PLEKHN1: variants seen among roughly 807,000 people sequenced by gnomAD.
PLEKHN1 encodes the protein pleckstrin homology domain containing N1, also known as pleckstrin homology domain-containing family N member 1.
Under a neutral mutation model 72.8 loss-of-function variants are expected in PLEKHN1, and 68 were observed. That is an observed-to-expected ratio of 0.93 (90% confidence interval 0.77 to 1.14). The LOEUF (loss-of-function observed/expected upper bound fraction) is 1.14. Ranked by LOEUF, PLEKHN1 falls within the 50% of genes most tolerant of loss-of-function variation. The pLI is 0.00. For synonymous variants in PLEKHN1, 454 were observed against 371.6 expected, an observed-to-expected ratio of 1.22 and a Z score of -2.55; for missense variants, 1,015 against 840.5, an observed-to-expected ratio of 1.21 and a Z score of -2.57.
rs764826491 is a variant in PLEKHN1, at chr1:972,120, G to A, written c.835G>A (p.Glu279Lys). 30 of 1,613,068 alleles carry A rather than the reference G, an allele frequency of 1.9e-5. No homozygotes were observed. The South Asian group carries it at 2.6e-4, about 14-fold the overall frequency. ...RAVHINLEEK[E>K]KQIRSFLIEG... The stretch of plus-strand genomic sequence containing the variant: ...CGTCCACATCAACCTGGAGGAGAAG[G>A]AGAAGCAGATCCGCTCCTTCCTGAT... The change falls in exon 9 of 16, where the codon GAG becomes AAG. Residue 279 changes from glutamate to lysine, a missense_variant. Coordinates refer to ENST00000379410, the MANE Select transcript of PLEKHN1 (RefSeq NM_032129.3).
At position 974,788 on chromosome 1, in the gene PLEKHN1, C is replaced by G; in HGVS notation, c.*213C>G. 1 of 658,106 alleles carries G rather than the reference C, an allele frequency of 1.5e-6. No individual in the cohort carries two copies. Among genetic ancestry groups the G allele is most frequent in the South Asian group, 2.1e-5 (1 of 48,480 alleles). The allele number at this position is 658,106 out of a possible 1,614,324, so 40.8% of individuals were successfully genotyped here. ...TGGGAGGGGCCCCATCCAAAGGATG[C>G]CCTGGCCAGCGAGGCTGGGTCACAG... On this transcript the variant is annotated 3_prime_UTR_variant, in exon 16 of 16. Coordinates refer to ENST00000379410, the MANE Select transcript of PLEKHN1 (RefSeq NM_032129.3).
At chr1:971,848 G>A (rs1643346260) in intron 8 of PLEKHN1, among the ~76,000 whole-genome samples, 1 of 152,244 alleles carries the variant, frequency 6.6e-6, no homozygotes, top group South Asian at 2.1e-4. Flanking sequence ...CAAGAGGCCA[G>A]TCCTGTGGCT....
chr1:972,264 C>T (rs774111552), intron 9 of PLEKHN1, 24 bp from the exon 10 acceptor site: 6 of 1,606,496 alleles, frequency 3.7e-6, no homozygotes, highest in Non-Finnish European at 5.1e-6. Context: ...CCCCCGCCAG[C>T]CCCTCACAGC....
At chr1:969,810 C>T (rs563808872) in intron 2 of PLEKHN1, among the ~76,000 whole-genome samples, 33 of 151,922 alleles carry the variant, frequency 2.2e-4, no homozygotes, top group African/African-American at 3.4e-4. Flanking sequence ...TGTATGTGTG[C>T]GCATATATGG....
At chr1:972,537 G>A (rs1004589511) in intron 10 of PLEKHN1, 113 bp downstream of exon 10, 27 of 1,310,866 alleles carry the variant, frequency 2.1e-5, no homozygotes, top group African/African-American at 1.0e-4. Flanking sequence ...AGGCTGAGGC[G>A]GGCGGATCAT....
rs993651366 is a variant in PLEKHN1 at position 966,910 on chromosome 1, T to C, written c.183+107T>C. On this transcript the variant is annotated intron_variant, in intron 2 of 15. Coordinates refer to ENST00000379410, the MANE Select transcript of PLEKHN1 (RefSeq NM_032129.3). Reference sequence around the variant, plus strand: ...GGTCTTCCCCTCGCCCCCGGGGCGTTCAGACCCCGGTAGGTGAGGAGCCGA... The same window carrying C: ...GGTCTTCCCCTCGCCCCCGGGGCGTCCAGACCCCGGTAGGTGAGGAGCCGA... 3.2e-5 allele frequency: 40 copies of C among 1,238,030 alleles called. 1 individual carries two copies. The highest frequency in any genetic ancestry group is 4.2e-5 in the Non-Finnish European group (38 of 915,548). 76.7% of individuals were successfully genotyped at this position (1,238,030 alleles called of 1,614,324 possible). A position where few individuals can be genotyped will look rare whatever the true frequency, so the allele number is the denominator to read the frequency against.
chr1:969,724 ATC>A (rs932540449), intron 2 of PLEKHN1, among the ~76,000 whole-genome samples: 4 of 150,766 alleles, frequency 2.7e-5, no homozygotes, highest in East Asian at 2.0e-4. Flanking sequence ...GTGTGTATGC[ATC>A]TGTGTCTGTA....
chr1:972,528 G>A (rs1056530642), intron 10 of PLEKHN1, 104 bp downstream of exon 10: 1 of 1,341,514 alleles, frequency 7.5e-7, no homozygotes, highest in South Asian at 1.5e-5. Context: ...CATTTTAGGA[G>A]GCTGAGGCGG....
At chr1:971,303 A>AGGCC in intron 7 of PLEKHN1, 21 bp from the exon 8 acceptor site, 3 of 1,495,470 alleles carry the variant, frequency 2.0e-6, no homozygotes, top group Non-Finnish European at 2.7e-6. Flanking sequence ...TCATCGCCTG[A>AGGCC]CCCCACCCCC....
chr1:973,449 C>T (rs1444593275), intron 12 of PLEKHN1, 51 bp from the exon 13 acceptor site: 1 of 1,600,014 alleles, frequency 6.2e-7, no homozygotes, highest in South Asian at 1.1e-5. Context: ...GAAGGGGTGG[C>T]CTAGGCTGTT....
At chr1:967,273 C>A (rs997602675) in intron 2 of PLEKHN1, among the ~76,000 whole-genome samples, 1 of 152,180 alleles carries the variant, frequency 6.6e-6, no homozygotes, top group Non-Finnish European at 1.5e-5. Context: ...GTGCACGCGC[C>A]GGCCTCCTCC....
intron 2 of PLEKHN1, 129 bp downstream of exon 2, chr1:966,932 C>G (rs2100444663): frequency 1.0e-6 from 1 of 997,038 alleles, no homozygotes; most frequent in African/African-American, 1.7e-5. Context: ...AGGTGAGGAG[C>G]CGACGCTGAC....
In PLEKHN1 at chr1:974,001, C is replaced by A. The variant is rs200988214; in HGVS notation, c.1603C>A (p.Arg535=). Residue 535 remains arginine, a synonymous_variant, in exon 14 of 16, where the codon CGG becomes AGG. Transcript: ENST00000379410. ...GCAGTCCAGAGCCGCTCAGAGACAC[C>A]GGGGCTCAGCCAAGGATGGGGGGCC... ...ALQSRAAQRH[R]GSAKDGGPQP... is the part of the protein sequence containing the mutation. 2 of 1,604,486 alleles carry A rather than the reference C, an allele frequency of 1.2e-6. No homozygotes were observed. The highest frequency in any genetic ancestry group is 1.7e-6 in the Non-Finnish European group (2 of 1,177,792).
intron 14 of PLEKHN1, 109 bp from the exon 15 acceptor site, chr1:974,207 C>A: frequency 6.5e-7 from 1 of 1,545,928 alleles, no homozygotes; most frequent in Non-Finnish European, 8.9e-7. Flanking sequence ...GGAGATGGGA[C>A]TGGGGAGGGA....
At chr1:969,738 T>G (rs905734547) in intron 2 of PLEKHN1, among the ~76,000 whole-genome samples, 6 of 132,000 alleles carry the variant, frequency 4.5e-5, no homozygotes, top group Non-Finnish European at 3.5e-5. Context: ...GTGTCTGTAT[T>G]GTGTGGCATG....
chr1:973,631 C>A lies in PLEKHN1; in HGVS notation c.1425C>A (p.Gly475=), dbSNP rs1309897872. 1 of 1,612,642 alleles carries A rather than the reference C, an allele frequency of 6.2e-7. No individual in the cohort carries two copies. Among genetic ancestry groups the A allele is most frequent in the South Asian group, 1.1e-5 (1 of 91,052 alleles). The change falls in exon 13 of 16, where the codon GGC becomes GGA. Residue 475 remains glycine, a synonymous_variant. Coordinates refer to ENST00000379410, the MANE Select transcript of PLEKHN1 (RefSeq NM_032129.3). The part of the protein sequence containing the change: ...TSHRRVTDVR[G]LEEFLSAMQS... ...ACCGCAGGGTCACAGATGTCCGGGGCCTGGAGGAGGTCAGGCCCCTGCTGG... is the reference window on the plus strand; with the variant it reads ...ACCGCAGGGTCACAGATGTCCGGGGACTGGAGGAGGTCAGGCCCCTGCTGG...
Position 973,917 on chromosome 1 carries a change from C to A in PLEKHN1, c.1519C>A (p.Pro507Thr). Residue 507 changes from proline to threonine, a missense_variant, in exon 14 of 16, where the codon CCT (proline) becomes ACT (threonine). Coordinates refer to ENST00000379410, the MANE Select transcript of PLEKHN1 (RefSeq NM_032129.3). ...GCCTGTGTCTGTGCCTGCCTCTGAC[C>A]CTCGCTCCTGCTCCTCCGGCCCCGC... Reference protein sequence around the residue: ...SVPVSVPASDPRSCSSGPAGP... With the variant: ...SVPVSVPASDTRSCSSGPAGP... 1.9e-6 allele frequency: 3 copies of A among 1,611,418 alleles called. No homozygotes were observed.
In PLEKHN1 at chr1:972,356, C is replaced by T; in HGVS notation, c.934C>T (p.Leu312Phe). Residue 312 changes from leucine to phenylalanine, a missense_variant, in exon 10 of 16, where the codon CTT becomes TTT. By Grantham distance (22) the Leu-to-Phe change is conservative. Coordinates refer to ENST00000379410, the MANE Select transcript of PLEKHN1 (RefSeq NM_032129.3). ...GGACTACGGTCACTGGCTGCTGTGC[C>T]TTCGCGCTGTCACCCACAGGGAGGG... ...YEDYGHWLLC[L>F]RAVTHREGAP... is the part of the protein sequence containing the mutation. The T allele has an allele frequency of 6.2e-7, 1 of 1,607,864 alleles. No individual in the cohort carries two copies. Among genetic ancestry groups the T allele is most frequent in the Non-Finnish European group, 8.5e-7 (1 of 1,178,270 alleles).
Position 970,897 on chromosome 1 carries a change from T to G in PLEKHN1, c.503T>G (p.Leu168Arg). 1 of 1,610,966 alleles carries G rather than the reference T, an allele frequency of 6.2e-7. No homozygotes were observed. The highest frequency in any genetic ancestry group is 8.5e-7 in the Non-Finnish European group (1 of 1,179,830). Residue 168 changes from leucine to arginine, a missense_variant, in exon 6 of 16, where the codon CTC (leucine) becomes CGC (arginine). Coordinates refer to ENST00000379410, the MANE Select transcript of PLEKHN1 (RefSeq NM_032129.3). The surrounding 1 kb of genome is among the most constrained non-coding windows in gnomAD (Gnocchi z 4.2). ...FQITGPLPAPLLVLCPSRAEL... is the reference protein window; with the variant it reads ...FQITGPLPAPRLVLCPSRAEL... ...CCCGCAGGCCCACTGCCCGCACCCCTCCTGGTGCTCTGCCCCAGCCGGGCC... is the reference window on the plus strand; with the variant it reads ...CCCGCAGGCCCACTGCCCGCACCCCGCCTGGTGCTCTGCCCCAGCCGGGCC...
Sources: gnomAD v4.1 joint callset for allele counts (sites outside exome capture counted in the v4.1 genomes callset) on GRCh38, gnomAD v4.1.1 for gene constraint, Gnocchi (gnomAD v3.1) non-coding constraint, MANE v1.5 for transcripts, NCBI Gene and HGNC (gene_info 2026-07-23, HGNC 2026-07-21) for gene names.